The following TSPEAR variants were observed in gnomAD, a reference collection of about 807,000 sequenced individuals.
TSPEAR encodes thrombospondin-type laminin G domain and EAR repeat-containing protein.
TSPEAR carries 69 observed loss-of-function variants against 71.6 expected under a neutral mutation model. The observed-to-expected ratio is 0.96, with a 90% CI of 0.79 to 1.18. The LOEUF is 1.18. Among genes scored for constraint, TSPEAR ranks in the 50% most tolerant of loss-of-function variants. TSPEAR has a pLI of 0.00. For missense variants in TSPEAR, 971 were observed against 894.9 expected, an observed-to-expected ratio of 1.09 and a Z score of -1.09; for synonymous variants, 402 against 387.2, an observed-to-expected ratio of 1.04 and a Z score of -0.45.
rs587755272 is a variant in TSPEAR at position 44,508,742 on chromosome 21, C to T, written c.1754+457G>A. 314 of 1,263,028 alleles carry T rather than the reference C, an allele frequency of 2.5e-4. 1 individual carries two copies. The African/African-American group carries it at 3.9e-3, about 16-fold the overall frequency. 78.2% of individuals were successfully genotyped at this position (1,263,028 alleles called of 1,614,324 possible). A position where few individuals can be genotyped will look rare whatever the true frequency, so the allele number is the denominator to read the frequency against. ...GTCTCAACAGGCCAGTCTCCGTGTC[C>T]TGGTGTTTGTTGTCGGGGAGGATGC... is the stretch of plus-strand genomic sequence containing the variant. On this transcript the variant is annotated intron_variant, in intron 10 of 11. Transcript: ENST00000323084.
intron 1 of TSPEAR, among the ~76,000 whole-genome samples, chr21:44,648,954 G>A (rs782255158): frequency 3.9e-5 from 6 of 152,372 alleles, no homozygotes; most frequent in African/African-American, 1.2e-4. Flanking sequence ...GCGTGAAGGT[G>A]CTCACAGCAC....
intron 2 of TSPEAR, among the ~76,000 whole-genome samples, chr21:44,554,319 C>A (rs1273384396): frequency 1.3e-5 from 2 of 152,192 alleles, no homozygotes; most frequent in African/African-American, 4.8e-5. Context: ...TGATCCTGGA[C>A]TTCCAGCTTC....
intron 1 of TSPEAR, among the ~76,000 whole-genome samples, chr21:44,596,011 G>C (rs187074498): frequency 5.2e-4 from 79 of 152,232 alleles, no homozygotes; most frequent in African/African-American, 1.9e-3. Context: ...CGGTTTCTGT[G>C]GGTCAGGAGT....
intron 1 of TSPEAR, chr21:44,682,113 G>A (rs1555948159): frequency 6.2e-7 from 1 of 1,613,776 alleles, no homozygotes; most frequent in African/African-American, 1.3e-5. Context: ...GGAGCAGCTG[G>A]TGTGGCACAT....
chr21:44,545,922 G>A (rs2053297094), intron 2 of TSPEAR, among the ~76,000 whole-genome samples: 1 of 152,146 alleles, frequency 6.6e-6, no homozygotes. Flanking sequence ...ACAGAAAAAT[G>A]GAATAGAAAG....
intron 1 of TSPEAR, among the ~76,000 whole-genome samples, chr21:44,571,180 A>G (rs2053790117): frequency 6.6e-6 from 1 of 152,254 alleles, no homozygotes; most frequent in Admixed American, 6.5e-5. Context: ...AAAATCCTCA[A>G]TAAAATATTA....
intron 2 of TSPEAR, among the ~76,000 whole-genome samples, chr21:44,548,625 G>A (rs2053344265): frequency 6.6e-6 from 1 of 152,192 alleles, no homozygotes; most frequent in Admixed American, 6.5e-5. Flanking sequence ...TAGACTCCTA[G>A]AAATACAACT....
rs1555920227 is a variant in TSPEAR, at chr21:44,558,190, A to G, written c.303+9595T>C. On this transcript the variant is annotated intron_variant, in intron 2 of 11. Coordinates refer to ENST00000323084, the MANE Select transcript of TSPEAR (RefSeq NM_144991.3). ...CAGGTGGAGGCAGGGGCACAGCAGG[A>G]GGGGATGGGCACACAGCAGGTGGAC... 2 of 1,546,684 alleles carry G rather than the reference A, an allele frequency of 1.3e-6. No individual in the cohort carries two copies. The highest frequency in any genetic ancestry group is 4.7e-5 in the East Asian group (2 of 42,442).
intron 2 of TSPEAR, among the ~76,000 whole-genome samples, chr21:44,561,279 C>T (rs1555920993): frequency 6.6e-6 from 1 of 152,086 alleles, no homozygotes; most frequent in Non-Finnish European, 1.5e-5. Flanking sequence ...CAAGACTAAA[C>T]CAGGAAGAAG....
chr21:44,598,159 G>A (rs1176948387), intron 1 of TSPEAR, among the ~76,000 whole-genome samples: 4 of 152,040 alleles, frequency 2.6e-5, no homozygotes, highest in South Asian at 2.1e-4. Context: ...GCACCAGCTC[G>A]CATTCCGTTC....
intron 11 of TSPEAR, among the ~76,000 whole-genome samples, chr21:44,501,768 C>G (rs1463679701): frequency 1.3e-5 from 2 of 151,952 alleles, no homozygotes; most frequent in South Asian, 2.1e-4. Context: ...CTGTCCCCCC[C>G]AAAAAATAAA....
intron 2 of TSPEAR, among the ~76,000 whole-genome samples, chr21:44,537,586 T>C (rs1555916497): frequency 6.6e-6 from 1 of 152,174 alleles, no homozygotes; most frequent in Non-Finnish European, 1.5e-5. Context: ...AAAAGGACAG[T>C]TGGCTATTGG....
chr21:44,609,642 C>G (rs923391464), intron 1 of TSPEAR, among the ~76,000 whole-genome samples: 2 of 152,150 alleles, frequency 1.3e-5, no homozygotes, highest in Non-Finnish European at 2.9e-5. Flanking sequence ...ATATTTGAAC[C>G]TCTTGAGTGG....
rs1211104 is a variant in TSPEAR, at chr21:44,600,827, G to C, written c.83-32822C>G. 6.6e-3 allele frequency: 9,757 copies of C among 1,486,684 alleles called. 1,117 individuals carry two copies. In the African/African-American group the frequency reaches 0.069, roughly 11 times the overall value. 92.1% of individuals were successfully genotyped at this position (1,486,684 alleles called of 1,614,324 possible). A position where few individuals can be genotyped will look rare whatever the true frequency, so the allele number is the denominator to read the frequency against. The stretch of plus-strand genomic sequence containing the variant: ...AGCTATGTGTCCAGCCCCTGCTGCC[G>C]AGTGACCTGTGAGCCCAGCCCCTGC... On this transcript the variant is annotated intron_variant, in intron 1 of 11. Coordinates refer to ENST00000323084, the MANE Select transcript of TSPEAR (RefSeq NM_144991.3).
intron 1 of TSPEAR, chr21:44,657,815 G>A (rs1392218968): frequency 3.7e-5 from 25 of 673,456 alleles, no homozygotes; most frequent in East Asian, 2.4e-4. Context: ...AAGTACACGC[G>A]GGAAAATAAG....
chr21:44,567,789 G>T lies in TSPEAR; in HGVS notation c.299C>A (p.Pro100His). Residue 100 changes from proline to histidine, a missense_variant, in exon 2 of 12, where the codon CCC becomes CAC. Physicochemically the swap from Pro to His is moderately conservative, Grantham distance 77. Transcript: ENST00000323084. ...AGTGCAGAAAGTGCCACTGACCTTG[G>T]GTGGAAGATTGGGAACTCTCAAAGT... ...VVTLRVPNLPPKRNEYLLTVV... is the reference protein window; with the variant it reads ...VVTLRVPNLPHKRNEYLLTVV... 6.4e-6 allele frequency: 10 copies of T among 1,566,450 alleles called. No individual in the cohort carries two copies. Among genetic ancestry groups the T allele is most frequent in the Non-Finnish European group, 8.7e-6 (10 of 1,154,170 alleles).
At chr21:44,577,610 G>A (rs782732146) in intron 1 of TSPEAR, among the ~76,000 whole-genome samples, 8 of 152,148 alleles carry the variant, frequency 5.3e-5, no homozygotes, top group African/African-American at 1.7e-4. Context: ...TGAGGGAACC[G>A]TCCCCATGAC....
intron 1 of TSPEAR, chr21:44,677,928 A>G: frequency 2.2e-6 from 3 of 1,393,436 alleles, no homozygotes; most frequent in Non-Finnish European, 3.0e-6. Context: ...TCCACCAAAA[A>G]ACAAAAGGCC....
intron 11 of TSPEAR, among the ~76,000 whole-genome samples, chr21:44,500,999 C>G (rs587754794): frequency 2.6e-5 from 4 of 152,306 alleles, no homozygotes; most frequent in Admixed American, 6.5e-5. Context: ...AGCTTTTCTT[C>G]TTTTTCACAT....
Sources: allele counts gnomAD v4.1 joint callset (sites outside exome capture counted in the v4.1 genomes callset), GRCh38; gene constraint gnomAD v4.1.1; transcripts MANE v1.5; gene names NCBI Gene and HGNC (gene_info 2026-07-23, HGNC 2026-07-21).